The following CFAP54 variants were observed in gnomAD, a reference collection of about 807,000 sequenced individuals.
CFAP54 encodes the protein cilia- and flagella-associated protein 54.
Under a neutral mutation model 370.4 loss-of-function variants are expected in CFAP54, and 290 were observed. That is an observed-to-expected ratio of 0.78 (90% CI 0.71 to 0.86). The LOEUF (loss-of-function observed/expected upper bound fraction) is 0.86. CFAP54 is among the 40% of genes least tolerant of loss of function. The pLI is 0.00. For missense variants in CFAP54, 3,399 were observed against 3,528.7 expected (o/e 0.96, Z 0.93); for synonymous variants, 1,206 against 1,236.5 (o/e 0.98, Z 0.52).
intron 67 of CFAP54, 46 bp downstream of exon 67, chr12:96,860,998 G>A: frequency 1.4e-6 from 2 of 1,385,256 alleles, no homozygotes; most frequent in South Asian, 1.7e-5. Flanking sequence ...CTTCATTTGA[G>A]CTAAGTTTTT....
intron 35 of CFAP54, 135 bp from the exon 36 acceptor site, chr12:96,651,453 C>G: frequency 1.4e-6 from 1 of 693,300 alleles, no homozygotes; most frequent in Non-Finnish European, 2.5e-6. Flanking sequence ...CAGTGTCTAA[C>G]TCATGTAAGT....
At chr12:96,718,057 A>T (rs1957706028) in intron 48 of CFAP54, among the ~76,000 whole-genome samples, 1 of 152,180 alleles carries the variant, frequency 6.6e-6, no homozygotes, top group Non-Finnish European at 1.5e-5. Flanking sequence ...GATGAGTTTT[A>T]AAAACTATTA....
chr12:96,667,275 C>T (rs1209919284), intron 39 of CFAP54, among the ~76,000 whole-genome samples: 1 of 152,186 alleles, frequency 6.6e-6, no homozygotes, highest in Non-Finnish European at 1.5e-5. Context: ...CTTCTCACAG[C>T]TCCACTAGGC....
chr12:96,848,318 G>T (rs938919328), intron 66 of CFAP54, among the ~76,000 whole-genome samples: 3 of 152,064 alleles, frequency 2.0e-5, no homozygotes, highest in South Asian at 2.1e-4. Flanking sequence ...CAAATGATCC[G>T]CCTGCCTCAG....
chr12:96,648,972 A>T (rs1466021759), intron 34 of CFAP54, among the ~76,000 whole-genome samples: 1 of 152,164 alleles, frequency 6.6e-6, no homozygotes, highest in Non-Finnish European at 1.5e-5. Context: ...TCCTGCAAAG[A>T]TGATGGAACC....
At chr12:96,825,746 C>T (rs1357436894) in intron 65 of CFAP54, among the ~76,000 whole-genome samples, 1 of 123,964 alleles carries the variant, frequency 8.1e-6, no homozygotes, top group Admixed American at 9.1e-5. Context: ...TATCACATTA[C>T]ATAATAATAT....
intron 50 of CFAP54, among the ~76,000 whole-genome samples, chr12:96,724,957 C>G (rs1239771109): frequency 6.6e-6 from 1 of 152,062 alleles, no homozygotes; most frequent in Non-Finnish European, 1.5e-5. Context: ...GCTTGTTTTT[C>G]TCAGGTTTGT....
chr12:96,541,965 T>G (rs746964853), intron 14 of CFAP54, among the ~76,000 whole-genome samples: 1 of 151,956 alleles, frequency 6.6e-6, no homozygotes, highest in Non-Finnish European at 1.5e-5. Context: ...ATGTCTTCTC[T>G]CAAAGGATGG....
intron 32 of CFAP54, 78 bp downstream of exon 32, chr12:96,630,729 A>G (rs976586144): frequency 1.2e-6 from 1 of 832,106 alleles, no homozygotes; most frequent in Non-Finnish European, 1.7e-6. Flanking sequence ...GGTACTAGGG[A>G]TACACTGGTG....
chr12:96,579,409 G>T (rs555556468), intron 20 of CFAP54, among the ~76,000 whole-genome samples: 2 of 152,116 alleles, frequency 1.3e-5, no homozygotes, highest in African/African-American at 2.4e-5. Context: ...GGTTCATTCT[G>T]TACAAATTTG....
chr12:96,672,421 G>A (rs1360330915), intron 39 of CFAP54, among the ~76,000 whole-genome samples: 1 of 152,190 alleles, frequency 6.6e-6, no homozygotes. Flanking sequence ...GGGGCTGCGA[G>A]TATAGCCAAT....
At position 96,743,894 on chromosome 12, in the gene CFAP54, G is replaced by C. The variant is rs771493794; in HGVS notation, c.7541G>C (p.Ser2514Thr). Residue 2514 changes from serine to threonine, a missense_variant, in exon 54 of 68, where the codon AGC becomes ACC. Around this residue, in one of 3 missense-constraint regions of CFAP54, gnomAD observed 2,796 missense variants for 2,869.7 expected, o/e 0.97. Transcript: ENST00000524981. ...TTAAATTTGTTAACTCGGGCTCATA[G>C]CATTCTAACTGAACAGGTGAGAATG... The part of the protein sequence containing the change: ...GKLNLLTRAH[S>T]ILTEQMLAFG... 3.1e-6 allele frequency: 5 copies of C among 1,612,590 alleles called. No individual in the cohort carries two copies. Among genetic ancestry groups the C allele is most frequent in the Non-Finnish European group, 4.2e-6 (5 of 1,179,604 alleles).
chr12:96,854,850 T>A (rs1156726616), intron 66 of CFAP54, among the ~76,000 whole-genome samples: 1 of 152,230 alleles, frequency 6.6e-6, no homozygotes, highest in African/African-American at 2.4e-5. Context: ...GTTTGTTACA[T>A]AGGTAAACTC....
intron 51 of CFAP54, 32 bp from the exon 52 acceptor site, chr12:96,742,407 G>A (rs781637298): frequency 3.3e-6 from 5 of 1,492,562 alleles, no homozygotes; most frequent in African/African-American, 2.8e-5. Context: ...ATTATTAAAT[G>A]GAAAGATAAC....
chr12:96,765,717 G>A (rs1278253787), intron 60 of CFAP54, among the ~76,000 whole-genome samples: 4 of 152,198 alleles, frequency 2.6e-5, no homozygotes, highest in African/African-American at 9.7e-5. Context: ...ATTGCACAGT[G>A]CTTGCACATA....
At chr12:96,692,498 A>T (rs1488776422) in intron 44 of CFAP54, among the ~76,000 whole-genome samples, 8 of 152,234 alleles carry the variant, frequency 5.3e-5, no homozygotes, top group African/African-American at 1.2e-4. Context: ...TTCTTACTAA[A>T]GAAAAGAAAC....
intron 27 of CFAP54, 34 bp downstream of exon 27, chr12:96,621,755 G>T (rs574993377): frequency 4.7e-6 from 7 of 1,481,768 alleles, no homozygotes; most frequent in East Asian, 2.5e-5. Flanking sequence ...TTAAACCTAC[G>T]TTTAGTTTGC....
intron 1 of CFAP54, among the ~76,000 whole-genome samples, chr12:96,497,909 G>T (rs906877477): frequency 6.6e-6 from 1 of 152,198 alleles, no homozygotes; most frequent in African/African-American, 2.4e-5. Flanking sequence ...TGCTTTCTGA[G>T]GTTGCCCAAC....
At chr12:96,694,541 T>C (rs1957420741) in intron 45 of CFAP54, among the ~76,000 whole-genome samples, 1 of 152,086 alleles carries the variant, frequency 6.6e-6, no homozygotes, top group African/African-American at 2.4e-5. Flanking sequence ...CACCCTTTTT[T>C]CTATAGTGGA....
Sources: allele counts gnomAD v4.1 joint callset (sites outside exome capture counted in the v4.1 genomes callset), GRCh38; gene constraint gnomAD v4.1.1; regional missense constraint gnomAD v4.1.1; transcripts MANE v1.5; gene names NCBI Gene and HGNC (gene_info 2026-07-23, HGNC 2026-07-21).